IRF2: variants seen among roughly 807,000 people sequenced by gnomAD.
The protein encoded by IRF2 is interferon regulatory factor 2.
In IRF2, 15 loss-of-function variants were observed where a neutral mutation model predicts 40.6. That is an observed-to-expected ratio of 0.37 (90% confidence interval 0.25 to 0.57). IRF2 has a LOEUF of 0.57. IRF2 is among the 20% of genes least tolerant of loss of function. The pLI, the probability that IRF2 is intolerant of heterozygous loss-of-function variation, is 0.77. For synonymous variants in IRF2, 151 were observed against 165.5 expected (o/e 0.91, Z 0.67); for missense variants, 317 against 455.7 (o/e 0.70, Z 2.77).
chr4:184,397,531 G>GAA (rs555947750), intron 7 of IRF2, among the ~76,000 whole-genome samples: 9,906 of 147,066 alleles, frequency 0.067, 406 homozygotes, highest in Middle Eastern at 0.18. Flanking sequence ...TTTTAAAAGT[G>GAA]AAAAAAAAAA....
chr4:184,402,402 G>A (rs114073410), intron 6 of IRF2, among the ~76,000 whole-genome samples: 2,399 of 152,192 alleles, frequency 0.016, 62 homozygotes, highest in African/African-American at 0.054. Flanking sequence ...CACTGTCCCC[G>A]TCACTCGGCC....
intron 1 of IRF2, among the ~76,000 whole-genome samples, chr4:184,431,205 C>A (rs903035623): frequency 5.3e-5 from 8 of 152,186 alleles, no homozygotes; most frequent in African/African-American, 1.2e-4. Flanking sequence ...CACAAGAACA[C>A]GGAATGGCCA....
At position 184,431,175 on chromosome 4, in the gene IRF2, C is replaced by T. The variant is rs368960919; in HGVS notation, c.-6-2105G>A. Reference sequence around the variant, plus strand: ...CAGCCACCATTCTTTGAGACACAAACGGGAACCTTAGAGATATTTCACAAG... The same window carrying T: ...CAGCCACCATTCTTTGAGACACAAATGGGAACCTTAGAGATATTTCACAAG... On this transcript the variant is annotated intron_variant, in intron 1 of 8. Transcript: ENST00000393593. 7.9e-5 allele frequency among the ~76,000 whole-genome samples: 12 copies of T among 152,340 alleles called. No homozygotes were observed. In the South Asian group the frequency reaches 1.7e-3, roughly 21 times the overall value.
At chr4:184,420,688 G>A (rs1160002696) in intron 2 of IRF2, among the ~76,000 whole-genome samples, 2 of 152,158 alleles carry the variant, frequency 1.3e-5, no homozygotes, top group African/African-American at 4.8e-5. Context: ...CAGCTCTTGT[G>A]GCGGTACCGG....
intron 8 of IRF2, among the ~76,000 whole-genome samples, chr4:184,389,526 C>A (rs932362476): frequency 6.6e-6 from 1 of 152,194 alleles, no homozygotes. Context: ...AGGCTTAGCA[C>A]CTCTACATCC....
intron 2 of IRF2, among the ~76,000 whole-genome samples, chr4:184,426,811 T>G (rs1737691364): frequency 6.6e-6 from 1 of 152,208 alleles, no homozygotes; most frequent in Non-Finnish European, 1.5e-5. Flanking sequence ...TTGCTTCTCT[T>G]TAGAACACAG....
chr4:184,443,744 G>A (rs931481583), intron 1 of IRF2, among the ~76,000 whole-genome samples: 6 of 152,136 alleles, frequency 3.9e-5, no homozygotes, highest in African/African-American at 1.4e-4. Flanking sequence ...TGGAATTGCT[G>A]GGTTGAATGG....
chr4:184,435,222 A>G (rs1579084269), intron 1 of IRF2, among the ~76,000 whole-genome samples: 1 of 152,198 alleles, frequency 6.6e-6, no homozygotes, highest in African/African-American at 2.4e-5. Flanking sequence ...TATCCACTCT[A>G]ACCTCTGCCT....
At chr4:184,462,733 C>T (rs1307592776) in intron 1 of IRF2, among the ~76,000 whole-genome samples, 1 of 152,146 alleles carries the variant, frequency 6.6e-6, no homozygotes, top group African/African-American at 2.4e-5. Context: ...AATTTTTCAC[C>T]TTCTGGGTGT....
intron 1 of IRF2, among the ~76,000 whole-genome samples, chr4:184,433,375 C>A (rs1410743093): frequency 6.6e-6 from 1 of 152,114 alleles, no homozygotes; most frequent in Non-Finnish European, 1.5e-5. Context: ...ATGCTCCTGC[C>A]GTGTGGTCAT....
chr4:184,447,067 A>G (rs1217822379), intron 1 of IRF2, among the ~76,000 whole-genome samples: 1 of 152,232 alleles, frequency 6.6e-6, no homozygotes, highest in African/African-American at 2.4e-5. Context: ...AACAGCAATG[A>G]GCACAGGCAG....
At chr4:184,426,601 A>AT (rs1223618435) in intron 2 of IRF2, among the ~76,000 whole-genome samples, 2 of 152,226 alleles carry the variant, frequency 1.3e-5, no homozygotes, top group Admixed American at 6.5e-5. Context: ...GGATGTGGAC[A>AT]TATCTTCTCC....
At position 184,440,816 on chromosome 4, in the gene IRF2, A is replaced by G. The variant is rs183211350; in HGVS notation, c.-6-11746T>C. On this transcript the variant is annotated intron_variant, in intron 1 of 8. Transcript: ENST00000393593. Reference sequence around the variant, plus strand: ...GACCTTTTTCCCTTTCTTAGACTAGATGGGTGGGAGTGCCACTCTGCAACA... The same window carrying G: ...GACCTTTTTCCCTTTCTTAGACTAGGTGGGTGGGAGTGCCACTCTGCAACA... 2.9e-3 allele frequency among the ~76,000 whole-genome samples: 436 copies of G among 152,186 alleles called. 2 individuals are homozygous for G. Among genetic ancestry groups the G allele is most frequent in the African/African-American group, 8.8e-3 (366 of 41,524 alleles).
At chr4:184,467,573 C>T (rs111770782) in intron 1 of IRF2, among the ~76,000 whole-genome samples, 21 of 152,320 alleles carry the variant, frequency 1.4e-4, no homozygotes, top group African/African-American at 4.8e-4. Flanking sequence ...TATGCAGTCC[C>T]TCCTCATCTG....
intron 6 of IRF2, chr4:184,407,261 A>G: frequency 1.0e-5 from 13 of 1,272,732 alleles, no homozygotes; most frequent in Non-Finnish European, 1.2e-5. Context: ...AGAAGTCACC[A>G]TACACACAAC....
chr4:184,407,319 T>C, intron 6 of IRF2: 2 of 1,160,402 alleles, frequency 1.7e-6, no homozygotes, highest in Non-Finnish European at 2.3e-6. Flanking sequence ...AGTTTTTTCT[T>C]CTCCTTCCCC....
chr4:184,428,711 A>G (rs1482914490), intron 2 of IRF2: 3 of 517,284 alleles, frequency 5.8e-6, no homozygotes, highest in Non-Finnish European at 1.1e-5. Context: ...AGGTGGGAGG[A>G]TCACTTGAAC....
At chr4:184,399,143 A>C in intron 6 of IRF2, 64 bp from the exon 7 acceptor site, 82 of 1,485,500 alleles carry the variant, frequency 5.5e-5, no homozygotes, top group Middle Eastern at 3.6e-4. Context: ...ACACTTTCTC[A>C]AGAAAGAGTC....
Position 184,418,584 on chromosome 4 carries a change from A to G in IRF2, c.312T>C (p.Asn104=), listed in dbSNP as rs768241157. 6 of 1,614,104 alleles carry G rather than the reference A, an allele frequency of 3.7e-6. No individual in the cohort carries two copies. In the African/African-American group the frequency reaches 6.7e-5, roughly 18 times the overall value. The change falls in exon 4 of 9, where the codon AAT becomes AAC. Residue 104 remains asparagine (N), a synonymous_variant. Coordinates refer to ENST00000393593, the MANE Select transcript of IRF2 (RefSeq NM_002199.4). ...VKDKSIKKGN[N]AFRVYRMLPL... is the part of the protein sequence containing the mutation. ...GCAGCATTCGGTAGACCCTGAAGGCATTATTTCCTTTCTTTATGCTTTTAT... is the reference window on the plus strand; with the variant it reads ...GCAGCATTCGGTAGACCCTGAAGGCGTTATTTCCTTTCTTTATGCTTTTAT...
Sources: allele counts gnomAD v4.1 joint callset (sites outside exome capture counted in the v4.1 genomes callset), GRCh38; gene constraint gnomAD v4.1.1; transcripts MANE v1.5; gene names NCBI Gene and HGNC (gene_info 2026-07-23, HGNC 2026-07-21).